The following SRRM2 variants were observed in gnomAD, a reference collection of about 807,000 sequenced individuals.
SRRM2 encodes serine/arginine repetitive matrix protein 2.
In SRRM2, 30 loss-of-function variants were observed where a neutral mutation model predicts 213.8. That is an observed-to-expected ratio of 0.14 (90% CI 0.10 to 0.19). The LOEUF is 0.19. Among genes scored for constraint, SRRM2 ranks in the 10% least tolerant of loss-of-function variants. SRRM2 has a pLI of 1.00. For missense variants in SRRM2, 4,904 were observed against 3,647.0 expected, an observed-to-expected ratio of 1.34 and a Z score of -8.88; for synonymous variants, 2,025 against 1,377.7, an observed-to-expected ratio of 1.47 and a Z score of -10.40.
At chr16:2,756,937 G>C (rs1033847493) in intron 2 of SRRM2, among the ~76,000 whole-genome samples, 25 of 152,106 alleles carry the variant, frequency 1.6e-4, no homozygotes, top group Non-Finnish European at 7.4e-5. Flanking sequence ...AAGCTGATAG[G>C]TGTTGTCATT....
rs756618722 is a variant in SRRM2 at position 2,763,960 on chromosome 16, A to G, written c.3432A>G (p.Ser1144=). ...EQSRFQSDSS[S]YPTVDSNSLL... ...GCAGGTTCCAGTCTGACTCTTCTTC[A>G]TATCCTACAGTGGACTCGAATTCTC... The change falls in exon 11 of 15, where the codon TCA becomes TCG. Residue 1144 remains serine, a synonymous_variant. Coordinates refer to ENST00000301740, the MANE Select transcript of SRRM2 (RefSeq NM_016333.4). 3 of 1,614,094 alleles carry G rather than the reference A, an allele frequency of 1.9e-6. No individual in the cohort carries two copies. The highest frequency in any genetic ancestry group is 4.5e-5 in the East Asian group (2 of 44,902).
chr16:2,755,621 A>G (rs190743308), intron 1 of SRRM2, among the ~76,000 whole-genome samples: 2 of 152,338 alleles, frequency 1.3e-5, no homozygotes, highest in East Asian at 3.9e-4. Context: ...ATCTTTAAAT[A>G]TTTGGAATCA....
chr16:2,754,995 A>G (rs2068089600), intron 1 of SRRM2, among the ~76,000 whole-genome samples: 1 of 152,044 alleles, frequency 6.6e-6, no homozygotes, highest in South Asian at 2.1e-4. Context: ...TCATTCTGGA[A>G]TTTTCTAAAT....
rs369700013 is a variant in SRRM2 at position 2,762,536 on chromosome 16, C to T, written c.2008C>T (p.Arg670Cys). The T allele has an allele frequency of 3.0e-5, 48 of 1,613,750 alleles. No individual in the cohort carries two copies. In the Middle Eastern group the frequency reaches 4.9e-4, roughly 17 times the overall value. The change falls in exon 11 of 15, where the codon CGC (arginine) becomes TGC (cysteine). Residue 670 changes from arginine (R) to cysteine (C), a missense_variant. Coordinates refer to ENST00000301740, the MANE Select transcript of SRRM2 (RefSeq NM_016333.4). ...AACCCCAGCCAGACGTGGCCGCTCA[C>T]GCTCTAGAACCCCAGCTAGACGCAG... Reference protein sequence around the residue: ...SRTPARRGRSRSRTPARRSGR... With the variant: ...SRTPARRGRSCSRTPARRSGR...
intron 10 of SRRM2, among the ~76,000 whole-genome samples, chr16:2,761,047 T>TA (rs2068326618): frequency 6.6e-6 from 1 of 152,242 alleles, no homozygotes; most frequent in Non-Finnish European, 1.5e-5. Context: ...CTCAGAAACT[T>TA]AACTACTTCC....
In SRRM2 at chr16:2,770,361, C is replaced by A; in HGVS notation, c.8031C>A (p.Ser2677Arg). 6.3e-7 allele frequency: 1 copy of A among 1,598,652 alleles called. No individual in the cohort carries two copies. Among genetic ancestry groups the A allele is most frequent in the Non-Finnish European group, 8.5e-7 (1 of 1,172,570 alleles). The change falls in exon 13 of 15, where the codon AGC becomes AGA. Residue 2677 changes from serine to arginine, a missense_variant. Ser to Arg is a moderately radical substitution (Grantham distance 110). Coordinates refer to ENST00000301740, the MANE Select transcript of SRRM2 (RefSeq NM_016333.4). The part of the protein sequence containing the change: ...KPPPGERRSR[S>R]PRKPIDSLRD... ...CTACTGTGTTCCCCAGGTCCCGCAG[C>A]CCCCGGAAGCCAATAGACTCCCTCA...
In SRRM2 at chr16:2,767,552, C is replaced by T. The variant is rs765436485; in HGVS notation, c.7024C>T (p.Arg2342Trp). 50 of 1,614,066 alleles carry T rather than the reference C, an allele frequency of 3.1e-5. 1 individual carries two copies. Among genetic ancestry groups the T allele is most frequent in the Non-Finnish European group, 3.7e-5 (44 of 1,180,040 alleles). The change falls in exon 11 of 15, where the codon CGG becomes TGG. Residue 2342 changes from arginine (R) to tryptophan (W), a missense_variant. Arg to Trp is a moderately radical substitution (Grantham distance 101). Transcript: ENST00000301740. ...APASANLVGP[R>W]SAHATAPVNI... ...AGCCTCTGCAAACCTGGTGGGTCCT[C>T]GGTCTGCACATGCCACAGCTCCTGT...
Position 2,762,621 on chromosome 16 carries a change from G to A in SRRM2, c.2093G>A (p.Arg698Lys), listed in dbSNP as rs1469625529. The change falls in exon 11 of 15, where the codon AGA (arginine) becomes AAA (lysine). Residue 698 changes from arginine (R) to lysine (K), a missense_variant. Transcript: ENST00000301740. ...RRGRSRSRTPRRGRSRSRSLV... is the reference protein window; with the variant it reads ...RRGRSRSRTPKRGRSRSRSLV... ...GGGAGGTCTCGGTCTAGGACACCAA[G>A]ACGAGGAAGATCCCGCAGTAGAAGC... 3 of 1,614,046 alleles carry A rather than the reference G, an allele frequency of 1.9e-6. No homozygotes were observed. Among genetic ancestry groups the A allele is most frequent in the Non-Finnish European group, 8.5e-7 (1 of 1,180,032 alleles).
In SRRM2 at chr16:2,763,319, T is replaced by C; in HGVS notation, c.2791T>C (p.Ser931Pro). The C allele has an allele frequency of 6.2e-7, 1 of 1,614,128 alleles. No homozygotes were observed. The highest frequency in any genetic ancestry group is 8.5e-7 in the Non-Finnish European group (1 of 1,180,026). ...AIISPRQRSHSGSSSPSPSRV... is the reference protein window; with the variant it reads ...AIISPRQRSHPGSSSPSPSRV... ...AATATCACCAAGACAAAGAAGCCAT[T>C]CTGGCTCCTCTTCTCCAAGTCCTAG... The change falls in exon 11 of 15, where the codon TCT (serine) becomes CCT (proline). Residue 931 changes from serine to proline, a missense_variant. Physicochemically the swap from Ser to Pro is moderately conservative, Grantham distance 74. Transcript: ENST00000301740.
Position 2,763,740 on chromosome 16 carries a change from C to T in SRRM2, c.3212C>T (p.Thr1071Ile). Residue 1071 changes from threonine (T) to isoleucine (I), a missense_variant, in exon 11 of 15, where the codon ACT becomes ATT. Physicochemically the swap from Thr to Ile is moderately conservative, Grantham distance 89 (BLOSUM62 -1). Coordinates refer to ENST00000301740, the MANE Select transcript of SRRM2 (RefSeq NM_016333.4). Reference protein sequence around the residue: ...SQTSPDHRSDTSSPEVRQSHS... With the variant: ...SQTSPDHRSDISSPEVRQSHS... ...ACTTCACCAGACCACAGATCTGATA[C>T]TTCAAGTCCAGAAGTGAGACAGAGT... 1 of 1,614,176 alleles carries T rather than the reference C, an allele frequency of 6.2e-7. No homozygotes were observed. The highest frequency in any genetic ancestry group is 8.5e-7 in the Non-Finnish European group (1 of 1,180,038).
At chr16:2,759,853 TG>T (rs2068276837) in intron 9 of SRRM2, 192 bp downstream of exon 9, 1 of 580,866 alleles carries the variant, frequency 1.7e-6, no homozygotes, top group Non-Finnish European at 3.0e-6. Context: ...TTTTTTTTTT[TG>T]TTTTTGTTTA....
Position 2,765,102 on chromosome 16 carries a change from A to G in SRRM2, c.4574A>G (p.Gln1525Arg), listed in dbSNP as rs1382172280. 6 of 1,614,108 alleles carry G rather than the reference A, an allele frequency of 3.7e-6. No individual in the cohort carries two copies. In the African/African-American group the frequency reaches 4.0e-5, roughly 11 times the overall value. Residue 1525 changes from glutamine to arginine, a missense_variant, in exon 11 of 15, where the codon CAG (glutamine) becomes CGG (arginine). Coordinates refer to ENST00000301740, the MANE Select transcript of SRRM2 (RefSeq NM_016333.4). The stretch of plus-strand genomic sequence containing the variant: ...AGCGGGTCAGAATCATCAGTTGATC[A>G]GAAAACTGTGGCTCGGACTCCCCTG... ...ERSGSESSVD[Q>R]KTVARTPLGQ...
intron 1 of SRRM2, chr16:2,753,429 C>T (rs1250302883): frequency 2.0e-5 from 3 of 152,268 alleles, no homozygotes; most frequent in Non-Finnish European, 4.4e-5. Context: ...GTTTAGGATT[C>T]CCGGCTATCA....
intron 1 of SRRM2, among the ~76,000 whole-genome samples, chr16:2,753,085 C>T (rs1019551544): frequency 6.8e-6 from 1 of 147,166 alleles, no homozygotes; most frequent in African/African-American, 2.5e-5. Flanking sequence ...GCCGCCTGTA[C>T]TCGGGTTCGC....
At chr16:2,757,370 G>A (rs980969677) in intron 2 of SRRM2, 102 bp from the exon 3 acceptor site, 1 of 923,900 alleles carries the variant, frequency 1.1e-6, no homozygotes, top group Admixed American at 2.2e-5. Context: ...TTCTGTGTGC[G>A]CATGGAGAGG....
At position 2,752,666 on chromosome 16, in the gene SRRM2, G is replaced by C. The variant is rs2067962198; in HGVS notation, c.-212G>C. The C allele has an allele frequency of 3.7e-6, 1 of 271,060 alleles. No homozygotes were observed. The allele number at this position is 271,060 out of a possible 1,614,324, so 16.8% of individuals were successfully genotyped here. A position where few individuals can be genotyped will look rare whatever the true frequency, so the allele number is the denominator to read the frequency against. On this transcript the variant is annotated 5_prime_UTR_variant, in exon 1 of 15. Transcript: ENST00000301740. ...CTGACGTGCAGCGCGGCCCAGGCGG[G>C]GTGCGAGTGGCGCAGTTGGAGCCCG...
rs1175011256 is a variant in SRRM2, at chr16:2,760,282, C to T, written c.834-19C>T. 6 of 1,609,264 alleles carry T rather than the reference C, an allele frequency of 3.7e-6. No individual in the cohort carries two copies. The highest frequency in any genetic ancestry group is 3.3e-5 in the Admixed American group (2 of 59,786). Reference sequence around the variant, plus strand: ...AGCTGATTTCCTTCCTCTCCCACGTCCTCAATTAACTCCTGCAGGTCTCGA... The same window carrying T: ...AGCTGATTTCCTTCCTCTCCCACGTTCTCAATTAACTCCTGCAGGTCTCGA... On this transcript the variant is annotated intron_variant, in intron 9 of 14. Coordinates refer to ENST00000301740, the MANE Select transcript of SRRM2 (RefSeq NM_016333.4).
In SRRM2 at chr16:2,768,126, C is replaced by T; in HGVS notation, c.7598C>T (p.Ser2533Phe). The change falls in exon 11 of 15, where the codon TCC becomes TTC. Residue 2533 changes from serine (S) to phenylalanine (F), a missense_variant. Coordinates refer to ENST00000301740, the MANE Select transcript of SRRM2 (RefSeq NM_016333.4). The stretch of plus-strand genomic sequence containing the variant: ...CAGCCAGCAAAGGAGCGGCGGAGTT[C>T]CTCCTCGTCGTCGTCGTCCTCTAGC... ...ALQPAKERRS[S>F]SSSSSSSSSS... 6.2e-7 allele frequency: 1 copy of T among 1,613,868 alleles called. No homozygotes were observed. Among genetic ancestry groups the T allele is most frequent in the Non-Finnish European group, 8.5e-7 (1 of 1,179,784 alleles).
Position 2,770,717 on chromosome 16 carries a change from G to A in SRRM2, c.8249G>A (p.Arg2750Lys). 6.4e-7 allele frequency: 1 copy of A among 1,568,118 alleles called. No homozygotes were observed. The highest frequency in any genetic ancestry group is 1.9e-5 in the Admixed American group (1 of 53,226). The change falls in exon 14 of 15, where the codon AGG becomes AAG. Residue 2750 changes from arginine to lysine, a missense_variant and splice_region_variant. Transcript: ENST00000301740. ...SPRPMRHRSS[R>K]SP ...CGGCCCATGAGACACCGCTCCTCCAGGTGCGTGTCCTGGAAGGCTGATGCC... is the reference window on the plus strand; with the variant it reads ...CGGCCCATGAGACACCGCTCCTCCAAGTGCGTGTCCTGGAAGGCTGATGCC...
Sources: gnomAD v4.1 joint callset for allele counts (sites outside exome capture counted in the v4.1 genomes callset) on GRCh38, gnomAD v4.1.1 for gene constraint, MANE v1.5 for transcripts, NCBI Gene and HGNC (gene_info 2026-07-23, HGNC 2026-07-21) for gene names.